The following ATXN2L variants were observed in gnomAD, a reference collection of about 807,000 sequenced individuals.
ATXN2L encodes the protein ataxin 2 like.
Under a neutral mutation model 120.7 loss-of-function variants are expected in ATXN2L, and 24 were observed. That is an observed-to-expected ratio of 0.20 (90% CI 0.14 to 0.28). The LOEUF (loss-of-function observed/expected upper bound fraction) is 0.28. Among genes scored for constraint, ATXN2L ranks in the 10% least tolerant of loss-of-function variants. The pLI, the probability that ATXN2L is intolerant of heterozygous loss-of-function variation, is 1.00. For synonymous variants in ATXN2L, 653 were observed against 568.1 expected, an observed-to-expected ratio of 1.15 and a Z score of -2.13; for missense variants, 1,312 against 1,432.3, an observed-to-expected ratio of 0.92 and a Z score of 1.36.
At chr16:28,825,596 T>C (rs1249473600) in intron 2 of ATXN2L, 28 bp from the exon 3 acceptor site, 1 of 1,609,310 alleles carries the variant, frequency 6.2e-7, no homozygotes, top group Admixed American at 1.7e-5. Context: ...ATTACTCCTT[T>C]AATTCTCCCT....
intron 15 of ATXN2L, chr16:28,833,837 C>A (rs1374261798): frequency 6.1e-6 from 4 of 653,720 alleles, no homozygotes; most frequent in Non-Finnish European, 1.0e-5. Flanking sequence ...TGGCTTGAGC[C>A]CCTGTATTTG....
chr16:28,826,532 C>T, intron 5 of ATXN2L, 142 bp downstream of exon 5: 5 of 949,152 alleles, frequency 5.3e-6, no homozygotes, highest in East Asian at 2.5e-5. Flanking sequence ...CCTTTTTTTT[C>T]CTGAGCGAAG....
intron 5 of ATXN2L, 193 bp downstream of exon 5, chr16:28,826,583 A>T: frequency 3.1e-6 from 2 of 645,682 alleles, no homozygotes; most frequent in Non-Finnish European, 5.1e-6. Flanking sequence ...TTGATGTCTA[A>T]TATATAATGC....
At position 28,836,266 on chromosome 16, in the gene ATXN2L, G is replaced by A. The variant is rs1960685737; in HGVS notation, c.*1G>A. 6.2e-7 allele frequency: 1 copy of A among 1,611,376 alleles called. No homozygotes were observed. The highest frequency in any genetic ancestry group is 1.3e-5 in the African/African-American group (1 of 74,838). Reference sequence around the variant, plus strand: ...TGCACGGGTTCTGGGTGGGGAGTGAGGGGTCTTGGAGGCAGGGCTGTCCCA... The same window carrying A: ...TGCACGGGTTCTGGGTGGGGAGTGAAGGGTCTTGGAGGCAGGGCTGTCCCA... On this transcript the variant is annotated 3_prime_UTR_variant, in exon 22 of 22. Coordinates refer to ENST00000336783, the MANE Select transcript of ATXN2L (RefSeq NM_007245.4).
At position 28,836,929 on chromosome 16, in the gene ATXN2L, G is replaced by A; in HGVS notation, c.*664G>A. 2.4e-6 allele frequency: 2 copies of A among 838,488 alleles called. No homozygotes were observed. The highest frequency in any genetic ancestry group is 3.2e-5 in the South Asian group (2 of 62,184). The allele number at this position is 838,488 out of a possible 1,614,324, so 51.9% of individuals were successfully genotyped here. A position where few individuals can be genotyped will look rare whatever the true frequency, so the allele number is the denominator to read the frequency against. The stretch of plus-strand genomic sequence containing the variant: ...CCTGCCAAGCACCTTGAATGGGAGG[G>A]GCCTCACAGAGGGCAGGGCCAGGGT... On this transcript the variant is annotated 3_prime_UTR_variant, in exon 22 of 22. Coordinates refer to ENST00000336783, the MANE Select transcript of ATXN2L (RefSeq NM_007245.4).
rs2050206846 is a variant in ATXN2L at position 28,823,119 on chromosome 16, C to G, written c.-141C>G. 1.4e-5 allele frequency: 6 copies of G among 415,460 alleles called. No homozygotes were observed. Among genetic ancestry groups the G allele is most frequent in the Middle Eastern group, 1.3e-3 (2 of 1,562 alleles). 25.7% of individuals were successfully genotyped at this position (415,460 alleles called of 1,614,324 possible). A position where few individuals can be genotyped will look rare whatever the true frequency, so the allele number is the denominator to read the frequency against. On this transcript the variant is annotated 5_prime_UTR_variant, in exon 1 of 22. Transcript: ENST00000336783. ...CGCGGTCTTCTCTCTCCACCCCCGA[C>G]ACCGCGGGGCTCCCCCCGCCCGCCC... is the stretch of plus-strand genomic sequence containing the variant.
At chr16:28,832,773 A>G in intron 12 of ATXN2L, 44 bp from the exon 13 acceptor site, 3 of 1,600,450 alleles carry the variant, frequency 1.9e-6, no homozygotes, top group Non-Finnish European at 2.6e-6. Context: ...CACCTTAGAG[A>G]AAGAATGTTT....
chr16:28,835,004 G>A (rs1442776943), intron 18 of ATXN2L, 54 bp from the exon 19 acceptor site: 5 of 1,579,790 alleles, frequency 3.2e-6, no homozygotes, highest in Non-Finnish European at 4.3e-6. Flanking sequence ...ACTGGCAGGA[G>A]GACACCTTCC....
At position 28,831,053 on chromosome 16, in the gene ATXN2L, T is replaced by G. The variant is rs781516862; in HGVS notation, c.1302T>G (p.Ser434=). The change falls in exon 10 of 22, where the codon TCT becomes TCG. Residue 434 remains serine, a synonymous_variant. Coordinates refer to ENST00000336783, the MANE Select transcript of ATXN2L (RefSeq NM_007245.4). Reference sequence around the variant, plus strand: ...GTAATAGGCCTTCTGGAGAAACTTCTGTTCCACCTCCTCCTGCAGGTAAAG... The same window carrying G: ...GTAATAGGCCTTCTGGAGAAACTTCGGTTCCACCTCCTCCTGCAGGTAAAG... ...SPSNRPSGET[S]VPPPPAVGRM... The G allele has an allele frequency of 1.2e-6, 2 of 1,608,918 alleles. No individual in the cohort carries two copies. Among genetic ancestry groups the G allele is most frequent in the Non-Finnish European group, 1.7e-6 (2 of 1,177,790 alleles).
chr16:28,826,816 C>T, intron 5 of ATXN2L, 46 bp from the exon 6 acceptor site: 1 of 1,493,052 alleles, frequency 6.7e-7, no homozygotes, highest in Non-Finnish European at 9.0e-7. Flanking sequence ...GGAAAGAAGT[C>T]TGTGAAATAT....
Position 28,835,642 on chromosome 16 carries a change from C to A in ATXN2L, c.2779C>A (p.Pro927Thr). The A allele has an allele frequency of 6.2e-7, 1 of 1,614,044 alleles. No individual in the cohort carries two copies. The highest frequency in any genetic ancestry group is 1.1e-5 in the South Asian group (1 of 91,086). The change falls in exon 21 of 22, where the codon CCA (proline) becomes ACA (threonine). Residue 927 changes from proline (P) to threonine (T), a missense_variant. Coordinates refer to ENST00000336783, the MANE Select transcript of ATXN2L (RefSeq NM_007245.4). ...GALTGTPPSL[P>T]PGPSAQSPQS... ...CCTGACAGGCACGCCGCCCTCTCTG[C>A]CACCGGGACCTTCTGCCCAGTCCCC...
chr16:28,832,427 A>T (rs770911506), intron 11 of ATXN2L, 28 bp downstream of exon 11: 1 of 1,612,202 alleles, frequency 6.2e-7, no homozygotes, highest in Non-Finnish European at 8.5e-7. Context: ...GAGTGCTGTG[A>T]ATGCATATTT....
intron 6 of ATXN2L, among the ~76,000 whole-genome samples, chr16:28,827,889 G>C (rs570755052): frequency 6.6e-6 from 1 of 152,320 alleles, no homozygotes; most frequent in East Asian, 1.9e-4. Flanking sequence ...CTCCAGCCTG[G>C]GCATCATAGC....
At position 28,836,398 on chromosome 16, in the gene ATXN2L, C is replaced by T. The variant is rs1347842613; in HGVS notation, c.*133C>T. The T allele has an allele frequency of 1.1e-5, 17 of 1,613,414 alleles. No homozygotes were observed. Among genetic ancestry groups the T allele is most frequent in the Admixed American group, 5.0e-5 (3 of 59,960 alleles). On this transcript the variant is annotated 3_prime_UTR_variant, in exon 22 of 22. Transcript: ENST00000336783. ...CCTGGCTCTGTCCTTTGCTTCCCTC[C>T]GTCCTCGCTCAGTTGTGATCCAGCA...
In ATXN2L at chr16:28,823,819, C is replaced by T. The variant is rs916122144; in HGVS notation, c.299+261C>T. The T allele has an allele frequency of 1.8e-5, 7 of 379,362 alleles. No homozygotes were observed. The Admixed American group carries it at 2.4e-4, about 13-fold the overall frequency. The allele number at this position is 379,362 out of a possible 1,614,324, so 23.5% of individuals were successfully genotyped here. On this transcript the variant is annotated intron_variant, in intron 1 of 21. Transcript: ENST00000336783. ...GCCCCGGCCTTCAGGGGAGGCGGGGCGCATCCCGCCGGCGCCGTCGGAACG... is the reference window on the plus strand; with the variant it reads ...GCCCCGGCCTTCAGGGGAGGCGGGGTGCATCCCGCCGGCGCCGTCGGAACG...
chr16:28,833,210 C>T lies in ATXN2L; in HGVS notation c.1811C>T (p.Ser604Leu), dbSNP rs777759993. ...SPVSSKTESV[S>L]DKEDKPPLAP... ...GTCTCCTCCAAGACAGAGTCCGTAT[C>T]GGATAAGGAGGACAAACCACCCCTG... The change falls in exon 14 of 22, where the codon TCG becomes TTG. Residue 604 changes from serine (S) to leucine (L), a missense_variant. Transcript: ENST00000336783. The T allele has an allele frequency of 3.9e-5, 63 of 1,614,174 alleles. No individual in the cohort carries two copies. Among genetic ancestry groups the T allele is most frequent in the Admixed American group, 3.0e-4 (18 of 60,020 alleles).
chr16:28,827,119 A>G (rs978096113), intron 6 of ATXN2L, 133 bp downstream of exon 6: 6 of 978,700 alleles, frequency 6.1e-6, no homozygotes, highest in Non-Finnish European at 8.2e-6. Flanking sequence ...ATAGAAAGGT[A>G]TAGAAAATAG....
chr16:28,831,330 G>GT (rs1386919052), intron 10 of ATXN2L, among the ~76,000 whole-genome samples: 3 of 151,352 alleles, frequency 2.0e-5, no homozygotes, highest in South Asian at 2.1e-4. Context: ...GTTTTGTTTT[G>GT]TTTTTTTCTT....
Position 28,830,936 on chromosome 16 carries a change from CAAAAAA to C in ATXN2L, c.1211-14_1211-9del. 7.9e-7 allele frequency: 1 copy of C among 1,270,554 alleles called. No homozygotes were observed. The highest frequency in any genetic ancestry group is 1.0e-6 in the Non-Finnish European group (1 of 955,534). 78.7% of individuals were successfully genotyped at this position (1,270,554 alleles called of 1,614,324 possible). A position where few individuals can be genotyped will look rare whatever the true frequency, so the allele number is the denominator to read the frequency against. ...CGTCTGCCTCCTGACATTTTCTTCT[CAAAAAA>C]AAAAAAAAAAACCAAACAGGCCCTT... On this transcript the variant is annotated intron_variant, in intron 9 of 21. Transcript: ENST00000336783.
Sources: gnomAD v4.1 joint callset for allele counts (sites outside exome capture counted in the v4.1 genomes callset) on GRCh38, gnomAD v4.1.1 for gene constraint, MANE v1.5 for transcripts, NCBI Gene and HGNC (gene_info 2026-07-23, HGNC 2026-07-21) for gene names.